The following ABCG2 variants were observed in gnomAD, a reference collection of about 807,000 sequenced individuals.
ABCG2 encodes the protein broad substrate specificity ATP-binding cassette transporter ABCG2.
In ABCG2, 80 loss-of-function variants were observed where a neutral mutation model predicts 73.5. The observed-to-expected ratio is 1.09, with a 90% CI of 0.91 to 1.31. ABCG2 has a LOEUF of 1.31. Among genes scored for constraint, ABCG2 ranks in the 50% most tolerant of loss-of-function variants. The probability of loss-of-function intolerance (pLI) is 0.00; values close to 1 mark genes in which losing one functional copy is unlikely to be tolerated. For missense variants in ABCG2, 796 were observed against 786.2 expected, an observed-to-expected ratio of 1.01 and a Z score of -0.15; for synonymous variants, 269 against 282.4, an observed-to-expected ratio of 0.95 and a Z score of 0.48.
At chr4:88,164,378 A>G (rs532413784) in intron 1 of ABCG2, among the ~76,000 whole-genome samples, 1 of 152,216 alleles carries the variant, frequency 6.6e-6, no homozygotes, top group East Asian at 1.9e-4. Flanking sequence ...CTTGAATTGT[A>G]CTTCCCATAA....
In ABCG2 at chr4:88,091,728, T is replaced by G. The variant is rs1721653948; in HGVS notation, c.*506A>C. On this transcript the variant is annotated 3_prime_UTR_variant, in exon 16 of 16. Coordinates refer to ENST00000237612, the MANE Select transcript of ABCG2 (RefSeq NM_004827.3). ...TAATGTGCTTATCAAAAAGATTTTT[T>G]TTCTATCACGGTGGCTTTTTTTACC... The G allele has an allele frequency of 6.6e-6, 1 of 152,474 alleles. No homozygotes were observed. The highest frequency in any genetic ancestry group is 1.5e-5 in the Non-Finnish European group (1 of 68,260). The allele number at this position is 152,474 out of a possible 1,614,324, so 9.4% of individuals were successfully genotyped here.
At chr4:88,204,501 G>C (rs1729304536) in intron 1 of ABCG2, among the ~76,000 whole-genome samples, 1 of 152,186 alleles carries the variant, frequency 6.6e-6, no homozygotes, top group African/African-American at 2.4e-5. Context: ...GATGATATAT[G>C]TTTAGGGTCC....
At chr4:88,162,034 G>A (rs1727342979), upstream of ABCG2, among the ~76,000 whole-genome samples, 1 of 151,682 alleles carries the variant, frequency 6.6e-6, no homozygotes, top group Non-Finnish European at 1.5e-5. Context: ...TTTTTTTCTT[G>A]TAAATTTGTA....
intron 3 of ABCG2, among the ~76,000 whole-genome samples, chr4:88,132,261 C>G (rs778079505): frequency 2.6e-5 from 4 of 152,032 alleles, no homozygotes; most frequent in Non-Finnish European, 5.9e-5. Flanking sequence ...AAGACTCATG[C>G]CTTTACTTAC....
chr4:88,187,341 G>A (rs901658055), intron 1 of ABCG2, among the ~76,000 whole-genome samples: 5 of 152,118 alleles, frequency 3.3e-5, no homozygotes, highest in South Asian at 2.1e-4. Flanking sequence ...GACCAGGTGC[G>A]GTGGCTCATG....
intron 1 of ABCG2, among the ~76,000 whole-genome samples, chr4:88,153,115 G>A (rs1159557970): frequency 6.6e-6 from 1 of 152,192 alleles, no homozygotes; most frequent in Non-Finnish European, 1.5e-5. Context: ...AGCCCTGCCA[G>A]CAAAGATGAT....
intron 1 of ABCG2, among the ~76,000 whole-genome samples, chr4:88,167,739 T>TA (rs1727598298): frequency 6.6e-6 from 1 of 152,174 alleles, no homozygotes; most frequent in Non-Finnish European, 1.5e-5. Flanking sequence ...CTTGATATGT[T>TA]AGAGTCATCT....
At chr4:88,210,704 C>A (rs1380225953) in intron 1 of ABCG2, among the ~76,000 whole-genome samples, 1 of 151,774 alleles carries the variant, frequency 6.6e-6, no homozygotes, top group African/African-American at 2.4e-5. Context: ...GCAATTCTCC[C>A]ACCTCAGCCC....
chr4:88,094,026 T>C (rs554588460), intron 15 of ABCG2, among the ~76,000 whole-genome samples: 9 of 152,334 alleles, frequency 5.9e-5, no homozygotes, highest in African/African-American at 1.9e-4. Flanking sequence ...CACATGACTA[T>C]GCGGCCTTTG....
chr4:88,145,219 C>T (rs1217414554), intron 1 of ABCG2, among the ~76,000 whole-genome samples: 1 of 152,186 alleles, frequency 6.6e-6, no homozygotes, highest in Non-Finnish European at 1.5e-5. Context: ...AGATAACAAT[C>T]CTGAGCAATC....
chr4:88,115,252 CTCTCTATA>C (rs1723473689), intron 7 of ABCG2, among the ~76,000 whole-genome samples, 194 bp from the exon 8 acceptor site: 1 of 79,906 alleles, frequency 1.3e-5, no homozygotes, highest in Non-Finnish European at 2.5e-5. Flanking sequence ...CTCTCTCTCT[CTCTCTATA>C]TATATATATA....
intron 15 of ABCG2, among the ~76,000 whole-genome samples, chr4:88,092,607 C>T (rs1231973509): frequency 1.3e-5 from 2 of 152,154 alleles, no homozygotes; most frequent in Non-Finnish European, 1.5e-5. Context: ...ATGTGATAGA[C>T]ATTGTACACA....
At chr4:88,143,007 A>G (rs1310596634) in intron 1 of ABCG2, among the ~76,000 whole-genome samples, 1 of 152,208 alleles carries the variant, frequency 6.6e-6, no homozygotes, top group African/African-American at 2.4e-5. Flanking sequence ...CACAACATAT[A>G]CAGAATTTTT....
At chr4:88,155,880 G>A (rs1726902946) in intron 1 of ABCG2, among the ~76,000 whole-genome samples, 1 of 151,940 alleles carries the variant, frequency 6.6e-6, no homozygotes, top group Admixed American at 6.6e-5. Context: ...TTGCACTCTG[G>A]CCTGGAGCAA....
chr4:88,211,367 C>CCG, intron 1 of ABCG2, among the ~76,000 whole-genome samples: 1 of 127,468 alleles, frequency 7.8e-6, no homozygotes, highest in Non-Finnish European at 1.7e-5. Context: ...TGCCCCACCC[C>CCG]CCCCCACTTT....
At chr4:88,136,892 T>C (rs1263987232) in intron 2 of ABCG2, among the ~76,000 whole-genome samples, 1 of 150,660 alleles carries the variant, frequency 6.6e-6, no homozygotes, top group Non-Finnish European at 1.5e-5. Flanking sequence ...GGTGGGCACC[T>C]GTAGTCCCAG....
In ABCG2 at chr4:88,118,200, GA is replaced by G; in HGVS notation, c.749del (p.Phe250SerfsTer58). On this transcript the variant is annotated frameshift_variant, in exon 7 of 16. Transcript: ENST00000237612. LOFTEE classifies it high-confidence loss of function. ...ATAAGGTGAGGCTATCAAACAACTT[GA>G]AGATGGAATATCGAGGCTGATGAAT... The part of the protein sequence containing the change: ...FSIHQPRYSI[F>X]KLFDSLTLLA... 6.2e-7 allele frequency: 1 copy of G among 1,614,150 alleles called. No homozygotes were observed. Among genetic ancestry groups the G allele is most frequent in the South Asian group, 1.1e-5 (1 of 91,072 alleles).
intron 9 of ABCG2, among the ~76,000 whole-genome samples, chr4:88,112,629 G>A (rs566601171): frequency 6.6e-6 from 1 of 152,120 alleles, no homozygotes; most frequent in Admixed American, 6.5e-5. Context: ...CTAAAGCACA[G>A]CACAGGCCCT....
intron 1 of ABCG2, among the ~76,000 whole-genome samples, chr4:88,152,517 C>T (rs540402200): frequency 6.6e-6 from 1 of 151,802 alleles, no homozygotes; most frequent in Non-Finnish European, 1.5e-5. Context: ...AGGGGTGGGG[C>T]GTCACAGGGT....
Sources: allele counts gnomAD v4.1 joint callset (sites outside exome capture counted in the v4.1 genomes callset), GRCh38; gene constraint gnomAD v4.1.1; transcripts MANE v1.5; gene names NCBI Gene and HGNC (gene_info 2026-07-23, HGNC 2026-07-21).